Variants in HK1 observed in about 807,000 individuals in gnomAD.
HK1 encodes hexokinase-1.
A neutral mutation model predicts 91.6 loss-of-function variants in HK1; 28 were observed. That is an observed-to-expected ratio of 0.31 (90% CI 0.23 to 0.42). The LOEUF (loss-of-function observed/expected upper bound fraction) is 0.42. Among genes scored for constraint, HK1 ranks in the 10% least tolerant of loss-of-function variants. HK1 has a pLI of 1.00. For synonymous variants in HK1, 430 were observed against 468.1 expected (o/e 0.92, Z 1.05); for missense variants, 770 against 1,219.8 (o/e 0.63, Z 5.49).
intron 16 of HK1, among the ~76,000 whole-genome samples, chr10:69,396,075 C>G (rs1470398913): frequency 6.6e-6 from 1 of 152,024 alleles, no homozygotes; most frequent in East Asian, 1.9e-4. Flanking sequence ...TGTTCGAGAC[C>G]AGCCTGGTTA....
At chr10:69,333,975 G>T (rs575222844) in intron 1 of HK1, among the ~76,000 whole-genome samples, 2 of 152,262 alleles carry the variant, frequency 1.3e-5, no homozygotes, top group African/African-American at 4.8e-5. Context: ...GCTGGACATG[G>T]TGGTGTGCGC....
At chr10:69,305,740 C>T (rs1214505703) in intron 5 of HK1, among the ~76,000 whole-genome samples, 1 of 151,808 alleles carries the variant, frequency 6.6e-6, no homozygotes, top group Non-Finnish European at 1.5e-5. Context: ...GTAATCCCAG[C>T]TACTCGGGAG....
chr10:69,362,434 GTTTT>G (rs34834335), intron 3 of HK1, among the ~76,000 whole-genome samples: 265 of 135,518 alleles, frequency 2.0e-3, no homozygotes, highest in African/African-American at 6.6e-3. Flanking sequence ...AGAAAATAAT[GTTTT>G]TTTTTTTTTT....
intron 8 of HK1, 23 bp from the exon 9 acceptor site, chr10:69,379,839 A>C: frequency 6.6e-7 from 1 of 1,521,950 alleles, no homozygotes; most frequent in Non-Finnish European, 9.1e-7. Flanking sequence ...TCAGTGCATC[A>C]GTATTGGCTT....
intron 3 of HK1, chr10:69,292,442 C>A (rs570935238): frequency 2.6e-4 from 95 of 371,674 alleles, no homozygotes; most frequent in African/African-American, 1.9e-3. Flanking sequence ...AGGGGAGATA[C>A]ACACATGGAT....
intron 3 of HK1, among the ~76,000 whole-genome samples, chr10:69,291,468 G>A (rs540114472): frequency 1.3e-5 from 2 of 152,234 alleles, no homozygotes; most frequent in South Asian, 4.1e-4. Flanking sequence ...AATCCTCTAT[G>A]CCCACCACTC....
chr10:69,315,252 G>A (rs899716881), upstream of HK1, among the ~76,000 whole-genome samples: 3 of 152,190 alleles, frequency 2.0e-5, no homozygotes, highest in East Asian at 5.8e-4. Flanking sequence ...TCCCAGGTGC[G>A]GGAGGTACAG....
chr10:69,290,697 G>A (rs2394542), intron 3 of HK1, among the ~76,000 whole-genome samples: 150,402 of 152,228 alleles, frequency 0.99, 74,334 homozygotes, highest in Non-Finnish European at 1. Context: ...ACGGGGTTTC[G>A]CCAAGTTGGC....
intron 1 of HK1, among the ~76,000 whole-genome samples, chr10:69,339,871 G>A (rs1003038669): frequency 6.6e-6 from 1 of 152,190 alleles, no homozygotes; most frequent in Non-Finnish European, 1.5e-5. Context: ...CACTCCCCCA[G>A]CTGTGTGCTT....
intron 4 of HK1, among the ~76,000 whole-genome samples, chr10:69,367,224 C>T (rs1442328852): frequency 6.6e-6 from 1 of 152,142 alleles, no homozygotes; most frequent in East Asian, 1.9e-4. Flanking sequence ...GAGAATGCTT[C>T]CTAGGCTGGG....
chr10:69,330,295 T>C (rs540749999), intron 1 of HK1, among the ~76,000 whole-genome samples: 3 of 152,332 alleles, frequency 2.0e-5, no homozygotes, highest in East Asian at 3.9e-4. Context: ...CAAAGTTCTG[T>C]TTCATTTATA....
Position 69,382,676 on chromosome 10 carries a change from G to A in HK1, c.1455G>A (p.Leu485=). ...AHFHLTKDML[L]EVKKRMRAEM... ...TCCACCTCACCAAGGACATGCTGCT[G>A]GAGGTGAAGAAGAGGATGCGGGCCG... The change falls in exon 10 of 18, where the codon CTG becomes CTA. Residue 485 remains leucine, a synonymous_variant. Transcript: ENST00000359426. 1 of 1,613,942 alleles carries A rather than the reference G, an allele frequency of 6.2e-7. No individual in the cohort carries two copies. Among genetic ancestry groups the A allele is most frequent in the Admixed American group, 1.7e-5 (1 of 60,010 alleles).
intron 1 of HK1, among the ~76,000 whole-genome samples, chr10:69,280,149 T>G (rs1844664495): frequency 6.6e-6 from 1 of 151,100 alleles, no homozygotes; most frequent in South Asian, 2.1e-4. Context: ...TTAGACAGAG[T>G]CTCGCACTGT....
intron 4 of HK1, among the ~76,000 whole-genome samples, chr10:69,297,939 G>C (rs1056789394): frequency 6.7e-6 from 1 of 150,214 alleles, no homozygotes; most frequent in Non-Finnish European, 1.5e-5. Flanking sequence ...GGCCAGGTGC[G>C]GTGGCTCACG....
chr10:69,322,589 A>AAAAT (rs1188045411), intron 1 of HK1, among the ~76,000 whole-genome samples: 9 of 152,182 alleles, frequency 5.9e-5, no homozygotes, highest in South Asian at 2.1e-4. Context: ...GCAAGCATTA[A>AAAAT]AAATAAATAA....
At chr10:69,276,138 T>TATATATATATATATATATATATACAC (rs753204633) in intron 1 of HK1, among the ~76,000 whole-genome samples, 11 of 76,426 alleles carry the variant, frequency 1.4e-4, no homozygotes, top group Non-Finnish European at 2.6e-4. Flanking sequence ...TATATATATA[T>TATATATATATATATATATATATACAC]ACACATATAT....
rs544162356 is a variant in HK1, at chr10:69,328,575, C to T, written c.63+9565C>T. On this transcript the variant is annotated intron_variant, in intron 1 of 17. Coordinates refer to ENST00000359426, the MANE Select transcript of HK1 (RefSeq NM_000188.3). ...CAGACGGTGAGGCCCAGATAGTGAA[C>T]GATAGAGCCAGCATTCAGCCTCATC... Among the ~76,000 whole-genome samples, 42 of 152,302 alleles carry T rather than the reference C, an allele frequency of 2.8e-4. 1 individual carries two copies. The highest frequency in any genetic ancestry group is 8.4e-4 in the African/African-American group (35 of 41,572).
At chr10:69,391,095 T>A (rs1839876006) in intron 14 of HK1, among the ~76,000 whole-genome samples, 2 of 152,236 alleles carry the variant, frequency 1.3e-5, no homozygotes, top group African/African-American at 4.8e-5. Flanking sequence ...CAGAGATTCC[T>A]GAGCCCCTGG....
chr10:69,288,056 G>A (rs1263654113), intron 2 of HK1, among the ~76,000 whole-genome samples: 2 of 152,152 alleles, frequency 1.3e-5, no homozygotes, highest in African/African-American at 4.8e-5. Flanking sequence ...GCTGAGGCAG[G>A]AGGATTGCTT....
Sources: allele counts gnomAD v4.1 joint callset (sites outside exome capture counted in the v4.1 genomes callset), GRCh38; gene constraint gnomAD v4.1.1; transcripts MANE v1.5; gene names NCBI Gene and HGNC (gene_info 2026-07-23, HGNC 2026-07-21).